SLC47A2: variants seen among roughly 807,000 people sequenced by gnomAD.
SLC47A2 encodes solute carrier family 47 member 2.
SLC47A2 carries 52 observed loss-of-function variants against 67.7 expected under a neutral mutation model. The ratio of observed to expected loss-of-function variants is 0.77; its 90% CI spans 0.61 to 0.97. The LOEUF (loss-of-function observed/expected upper bound fraction) is 0.97, where lower values mean the gene tolerates loss of function less well. SLC47A2 is among the 50% of genes least tolerant of loss of function. The pLI is 0.00. For synonymous variants in SLC47A2, 278 were observed against 292.9 expected (o/e 0.95, Z 0.52); for missense variants, 676 against 712.3 (o/e 0.95, Z 0.58).
rs35308426 is a variant in SLC47A2, at chr17:19,711,588, C to CAAA, written c.486+1112_486+1114dup. Among the ~76,000 whole-genome samples the CAAA allele has an allele frequency of 3.3e-3, 110 of 32,980 alleles. 8 individuals carry two copies. Among genetic ancestry groups the CAAA allele is most frequent in the Non-Finnish European group, 3.6e-3 (60 of 16,574 alleles). The allele number at this position is 32,980 out of a possible 152,430, so 21.6% of individuals were successfully genotyped here. A position where few individuals can be genotyped will look rare whatever the true frequency, so the allele number is the denominator to read the frequency against. On this transcript the variant is annotated intron_variant, in intron 5 of 16. Transcript: ENST00000433844. ...TGGATGACAGAGCAAAACTCCGTCT[C>CAAA]AAAAAAAAAAAAAAAAAAAAAAAAA...
In SLC47A2 at chr17:19,681,564, G is replaced by A. The variant is rs374248552; in HGVS notation, c.1271C>T (p.Thr424Ile). 80 of 1,614,006 alleles carry A rather than the reference G, an allele frequency of 5.0e-5. No homozygotes were observed. The highest frequency in any genetic ancestry group is 3.3e-4 in the Middle Eastern group (2 of 6,084). Residue 424 changes from threonine to isoleucine, a missense_variant, in exon 14 of 17, where the codon ACC becomes ATC. Coordinates refer to ENST00000433844, the MANE Select transcript of SLC47A2 (RefSeq NM_001099646.3). ...CATGATTCTCATTCTGACCACAAAG[G>A]TCAGAAGGATGCCCAGTGGTAGGCC... Reference protein sequence around the residue: ...IIGLPLGILLTFVVRMRIMGL... With the variant: ...IIGLPLGILLIFVVRMRIMGL...
At chr17:19,680,340 C>T (rs2085286369) in intron 15 of SLC47A2, among the ~76,000 whole-genome samples, 1 of 152,074 alleles carries the variant, frequency 6.6e-6, no homozygotes. Flanking sequence ...ATTAGCTGGG[C>T]ATGGTGGCGC....
Position 19,712,789 on chromosome 17 carries a change from C to G in SLC47A2, c.444-44G>C, listed in dbSNP as rs138948843. On this transcript the variant is annotated intron_variant, in intron 4 of 16. Coordinates refer to ENST00000433844, the MANE Select transcript of SLC47A2 (RefSeq NM_001099646.3). Reference sequence around the variant, plus strand: ...CTCCGGAGCTGACCAGGCTGTGGCCCGGGGAGGCAGGGCCCTCTCCCCTGT... The same window carrying G: ...CTCCGGAGCTGACCAGGCTGTGGCCGGGGGAGGCAGGGCCCTCTCCCCTGT... The G allele has an allele frequency of 1.6e-3, 2,626 of 1,598,960 alleles. 62 individuals are homozygous for G. The East Asian group carries it at 0.044, about 27-fold the overall frequency.
At chr17:19,683,143 T>G (rs73310747) in intron 13 of SLC47A2, among the ~76,000 whole-genome samples, 1 of 152,222 alleles carries the variant, frequency 6.6e-6, no homozygotes, top group African/African-American at 2.4e-5. Context: ...TAAAGACTTC[T>G]CCCAAATTAT....
At chr17:19,714,043 C>T (rs2086182156) in intron 3 of SLC47A2, 70 bp from the exon 4 acceptor site, 4 of 1,540,156 alleles carry the variant, frequency 2.6e-6, no homozygotes, top group Admixed American at 3.7e-5. Context: ...GCGCGGGGAG[C>T]GGGCTGTCAG....
At chr17:19,688,540 T>C (rs980363627) in intron 13 of SLC47A2, among the ~76,000 whole-genome samples, 2 of 152,204 alleles carry the variant, frequency 1.3e-5, no homozygotes, top group South Asian at 4.1e-4. Context: ...TGCATCCAGA[T>C]TGAAAAGGAA....
chr17:19,692,766 C>T (rs573695859), intron 13 of SLC47A2, among the ~76,000 whole-genome samples: 273 of 152,250 alleles, frequency 1.8e-3, no homozygotes, highest in African/African-American at 6.3e-3. Context: ...TGAACACAGA[C>T]TCAGAATTTT....
At chr17:19,691,454 G>A (rs2085538959) in intron 13 of SLC47A2, among the ~76,000 whole-genome samples, 1 of 152,176 alleles carries the variant, frequency 6.6e-6, no homozygotes, top group Non-Finnish European at 1.5e-5. Context: ...GCAACAACAT[G>A]CATGGACCTG....
At chr17:19,711,881 A>T in intron 5 of SLC47A2, among the ~76,000 whole-genome samples, 1 of 152,240 alleles carries the variant, frequency 6.6e-6, no homozygotes, top group East Asian at 1.9e-4. Context: ...AATAGTTCGT[A>T]TTATAAATAG....
At chr17:19,708,196 G>T in intron 7 of SLC47A2, 106 bp downstream of exon 7, 1 of 1,312,706 alleles carries the variant, frequency 7.6e-7, no homozygotes, top group Non-Finnish European at 1.1e-6. Context: ...CTCCACTTCA[G>T]GACGGCACAG....
Position 19,714,443 on chromosome 17 carries a change from T to C in SLC47A2, c.294+278A>G, listed in dbSNP as rs1597646216. ...CTTAGGATTGAGGCTGGGGAACCGG[T>C]TGTCTTTCTCTACTTGGTGACCTCC... On this transcript the variant is annotated intron_variant, in intron 3 of 16. Transcript: ENST00000433844. 1.5e-5 allele frequency: 8 copies of C among 531,508 alleles called. No individual in the cohort carries two copies. The South Asian group carries it at 2.0e-4, about 13-fold the overall frequency. 32.9% of individuals were successfully genotyped at this position (531,508 alleles called of 1,614,324 possible).
chr17:19,704,232 A>G, intron 10 of SLC47A2, 54 bp from the exon 11 acceptor site: 1 of 1,478,538 alleles, frequency 6.8e-7, no homozygotes, highest in Non-Finnish European at 9.2e-7. Flanking sequence ...CAACCCCTGA[A>G]GTCCTGAGCC....
intron 11 of SLC47A2, 58 bp from the exon 12 acceptor site, chr17:19,703,225 C>G (rs2152350139): frequency 6.5e-7 from 1 of 1,528,928 alleles, no homozygotes; most frequent in Non-Finnish European, 9.1e-7. Flanking sequence ...CACCCTTGCT[C>G]AGATCAGCAA....
At chr17:19,702,983 C>A (rs1055568138) in intron 12 of SLC47A2, 109 bp downstream of exon 12, 29 of 1,249,248 alleles carry the variant, frequency 2.3e-5, no homozygotes, top group Admixed American at 1.6e-4. Flanking sequence ...CTGGGCTCTT[C>A]CTGCTTCCTT....
At chr17:19,697,481 T>G (rs779322415) in intron 13 of SLC47A2, among the ~76,000 whole-genome samples, 29 of 152,178 alleles carry the variant, frequency 1.9e-4, no homozygotes, top group Non-Finnish European at 4.1e-4. Context: ...CTCTCAACAC[T>G]GTTACATAAA....
At chr17:19,712,319 G>A (rs1028363305) in intron 5 of SLC47A2, among the ~76,000 whole-genome samples, 1 of 152,096 alleles carries the variant, frequency 6.6e-6, no homozygotes, top group African/African-American at 2.4e-5. Flanking sequence ...CCCAGGAGGC[G>A]GAGGTTGCAG....
chr17:19,706,174 G>A (rs778243855), intron 9 of SLC47A2, among the ~76,000 whole-genome samples: 1 of 152,152 alleles, frequency 6.6e-6, no homozygotes, highest in Non-Finnish European at 1.5e-5. Flanking sequence ...CTGCAAATGC[G>A]GGGCAGGGCA....
rs1035998872 is a variant in SLC47A2, at chr17:19,716,563, C to T, written c.-8G>A. 69 of 1,596,306 alleles carry T rather than the reference C, an allele frequency of 4.3e-5. No individual in the cohort carries two copies. The highest frequency in any genetic ancestry group is 1.7e-4 in the Middle Eastern group (1 of 5,990). Reference sequence around the variant, plus strand: ...GTCCTGGAGGCTGTCCATTCCTGGCCGGGGCACTGGCTACCCTGCACGCCT... The same window carrying T: ...GTCCTGGAGGCTGTCCATTCCTGGCTGGGGCACTGGCTACCCTGCACGCCT... On this transcript the variant is annotated 5_prime_UTR_variant, in exon 1 of 17. Transcript: ENST00000433844.
chr17:19,716,408 C>A lies in SLC47A2; in HGVS notation c.123+25G>T, dbSNP rs531256454. The A allele has an allele frequency of 5.6e-6, 9 of 1,598,260 alleles. No homozygotes were observed. The South Asian group carries it at 9.1e-5, about 16-fold the overall frequency. ...CCTCTCAGCTTCCTCCACTCCCTAC[C>A]TGCCCCCCAGCTCCTCCTCCTTACC... is the stretch of plus-strand genomic sequence containing the variant. On this transcript the variant is annotated intron_variant, in intron 1 of 16. Transcript: ENST00000433844.
Sources: gnomAD v4.1 joint callset for allele counts (sites outside exome capture counted in the v4.1 genomes callset) on GRCh38, gnomAD v4.1.1 for gene constraint, MANE v1.5 for transcripts, NCBI Gene and HGNC (gene_info 2026-07-23, HGNC 2026-07-21) for gene names.